CBFA2T3: variants seen among roughly 807,000 people sequenced by gnomAD.
CBFA2T3 encodes CBFA2/RUNX1 partner transcriptional co-repressor 3.
A neutral mutation model predicts 58.6 loss-of-function variants in CBFA2T3; 31 were observed. The observed-to-expected ratio is 0.53, with a 90% confidence interval of 0.40 to 0.71. The LOEUF (loss-of-function observed/expected upper bound fraction) is 0.71. Ranked by LOEUF, CBFA2T3 falls within the 30% of genes least tolerant of loss-of-function variation. CBFA2T3 has a pLI of 0.00. For missense variants in CBFA2T3, 1,076 were observed against 963.1 expected, an observed-to-expected ratio of 1.12 and a Z score of -1.55; for synonymous variants, 531 against 421.9, an observed-to-expected ratio of 1.26 and a Z score of -3.17.
At chr16:88,949,168 G>A (rs1277539756) in intron 1 of CBFA2T3, among the ~76,000 whole-genome samples, 2 of 152,220 alleles carry the variant, frequency 1.3e-5, no homozygotes, top group Non-Finnish European at 2.9e-5. Flanking sequence ...TAAGGCAGCC[G>A]AGAAACTCTG....
chr16:88,933,064 G>A (rs550566625), intron 1 of CBFA2T3, among the ~76,000 whole-genome samples: 157 of 152,336 alleles, frequency 1.0e-3, no homozygotes, highest in South Asian at 2.5e-3. Context: ...ACCCGGAGAC[G>A]TCACTTCTGA....
At chr16:88,908,347 A>C (rs996895352) in intron 1 of CBFA2T3, among the ~76,000 whole-genome samples, 1 of 151,986 alleles carries the variant, frequency 6.6e-6, no homozygotes, top group Non-Finnish European at 1.5e-5. Context: ...GTTTCAAAAA[A>C]AAAAAAAAGG....
intron 1 of CBFA2T3, among the ~76,000 whole-genome samples, chr16:88,959,473 C>G (rs866626297): frequency 1.3e-5 from 2 of 152,196 alleles, no homozygotes; most frequent in South Asian, 4.1e-4. Context: ...CCAGCGCTTA[C>G]AGAGCCTGCA....
At chr16:88,907,638 T>C (rs1970383172) in intron 1 of CBFA2T3, among the ~76,000 whole-genome samples, 1 of 151,790 alleles carries the variant, frequency 6.6e-6, no homozygotes, top group South Asian at 2.1e-4. Flanking sequence ...CAGCTACCCC[T>C]TCCCCACTGG....
Position 88,892,200 on chromosome 16 carries a change from G to A in CBFA2T3, c.621+44C>T, listed in dbSNP as rs371042574. The A allele has an allele frequency of 6.6e-5, 105 of 1,584,414 alleles. No individual in the cohort carries two copies. In the African/African-American group the frequency reaches 1.1e-3, roughly 16 times the overall value. On this transcript the variant is annotated intron_variant, in intron 4 of 11. Transcript: ENST00000268679. The stretch of plus-strand genomic sequence containing the variant: ...TGGCTGCAACCTCATTAAACGGAGG[G>A]AATATGCATGTCCCAAGGCCCCGGC...
chr16:88,959,144 GC>G (rs1207437901), intron 1 of CBFA2T3, among the ~76,000 whole-genome samples: 1 of 152,192 alleles, frequency 6.6e-6, no homozygotes, highest in Non-Finnish European at 1.5e-5. Context: ...TGAATCGTGT[GC>G]CCCCGTCCTT....
intron 1 of CBFA2T3, among the ~76,000 whole-genome samples, chr16:88,956,886 C>T (rs1018818278): frequency 6.6e-6 from 1 of 152,246 alleles, no homozygotes; most frequent in African/African-American, 2.4e-5. Context: ...CTGGGGTTCT[C>T]AGCTGCCTGG....
intron 3 of CBFA2T3, among the ~76,000 whole-genome samples, chr16:88,895,292 G>A (rs924830333): frequency 1.3e-5 from 2 of 152,190 alleles, no homozygotes; most frequent in South Asian, 2.1e-4. Context: ...GCCGCCATCA[G>A]CTTCCTCCAC....
At chr16:88,907,453 C>T (rs1025395978) in intron 1 of CBFA2T3, among the ~76,000 whole-genome samples, 6 of 152,340 alleles carry the variant, frequency 3.9e-5, no homozygotes, top group East Asian at 1.9e-4. Context: ...CGGAATCTGA[C>T]GAGAAGGGCT....
At position 88,885,864 on chromosome 16, in the gene CBFA2T3, C is replaced by G; in HGVS notation, c.893+97G>C. ...CCGAGAGAGCCGGCCGGGCTGGCTG[C>G]AGCCCCAGAGGAGGTTCCCTCTCTT... On this transcript the variant is annotated intron_variant, in intron 6 of 11. Transcript: ENST00000268679. The surrounding 1 kb of genome is among the most constrained non-coding windows in gnomAD (Gnocchi z 5.3). 1 of 1,115,380 alleles carries G rather than the reference C, an allele frequency of 9.0e-7. No individual in the cohort carries two copies. Among genetic ancestry groups the G allele is most frequent in the East Asian group, 2.6e-5 (1 of 38,458 alleles). The allele number at this position is 1,115,380 out of a possible 1,614,324, so 69.1% of individuals were successfully genotyped here.
chr16:88,929,270 G>T (rs946121987), intron 1 of CBFA2T3, among the ~76,000 whole-genome samples: 2 of 123,114 alleles, frequency 1.6e-5, no homozygotes, highest in African/African-American at 3.4e-5. Context: ...ACCAGCCCGT[G>T]ACCTCAGGCA....
intron 1 of CBFA2T3, among the ~76,000 whole-genome samples, chr16:88,920,254 A>T (rs1006555666): frequency 2.6e-5 from 4 of 152,170 alleles, no homozygotes; most frequent in African/African-American, 7.2e-5. Context: ...AGGAAGCCCT[A>T]TGAGGGGAGA....
At position 88,896,064 on chromosome 16, in the gene CBFA2T3, C is replaced by A. The variant is rs549988017; in HGVS notation, c.379+2014G>T. Among the ~76,000 whole-genome samples the A allele has an allele frequency of 3.8e-3, 584 of 152,294 alleles. 1 individual carries two copies. Among genetic ancestry groups the A allele is most frequent in the African/African-American group, 0.013 (559 of 41,552 alleles). On this transcript the variant is annotated intron_variant, in intron 3 of 11. Transcript: ENST00000268679. ...CTCCTGCGCTGCCCAAGTCAGCCCC[C>A]CAGGGTTGCTCCATCCTGACTGGTT... is the stretch of plus-strand genomic sequence containing the variant.
At chr16:88,970,565 G>T (rs1972626613) in intron 1 of CBFA2T3, among the ~76,000 whole-genome samples, 1 of 152,220 alleles carries the variant, frequency 6.6e-6, no homozygotes, top group African/African-American at 2.4e-5. Context: ...AGTGTTGCCG[G>T]GTGAAAGCCG....
intron 1 of CBFA2T3, among the ~76,000 whole-genome samples, chr16:88,912,774 G>C (rs2142705555): frequency 6.6e-6 from 1 of 152,362 alleles, no homozygotes; most frequent in Non-Finnish European, 1.5e-5. Flanking sequence ...GTTCAACGGG[G>C]CGGCTCGCTG....
intron 1 of CBFA2T3, among the ~76,000 whole-genome samples, chr16:88,910,446 G>A (rs540087624): frequency 1.3e-5 from 2 of 152,334 alleles, no homozygotes; most frequent in Non-Finnish European, 2.9e-5. Context: ...CACACTGCAG[G>A]CATTCAGCAA....
intron 1 of CBFA2T3, among the ~76,000 whole-genome samples, chr16:88,972,820 G>T (rs1464286759): frequency 6.6e-6 from 1 of 152,230 alleles, no homozygotes; most frequent in South Asian, 2.1e-4. Flanking sequence ...ACAGGAGGCG[G>T]GAGGTGAGGT....
Position 88,892,427 on chromosome 16 carries a change from G to A in CBFA2T3, c.438C>T (p.Asn146=), listed in dbSNP as rs373118466. ...TAINGAPCTP[N]GFSNGPATSS... Reference sequence around the variant, plus strand: ...AGGTGGCCGGGCCATTGCTGAAGCCGTTGGGTGTGCACGGTGCACCATTGA... The same window carrying A: ...AGGTGGCCGGGCCATTGCTGAAGCCATTGGGTGTGCACGGTGCACCATTGA... Residue 146 remains asparagine, a synonymous_variant, in exon 4 of 12, where the codon AAC becomes AAT. Transcript: ENST00000268679. 354 of 1,613,536 alleles carry A rather than the reference G, an allele frequency of 2.2e-4. No individual in the cohort carries two copies. The South Asian group carries it at 3.7e-3, about 17-fold the overall frequency.
At chr16:88,954,369 C>CTGCTGACCCCAGCCAAGTG in intron 1 of CBFA2T3, among the ~76,000 whole-genome samples, 2 of 141,928 alleles carry the variant, frequency 1.4e-5, no homozygotes, top group African/African-American at 2.9e-5. Context: ...TCACCCAAGG[C>CTGCTGACCCCAGCCAAGTG]TCCTGACCCC....
Sources: gnomAD v4.1 joint callset for allele counts (sites outside exome capture counted in the v4.1 genomes callset) on GRCh38, gnomAD v4.1.1 for gene constraint, Gnocchi (gnomAD v3.1) non-coding constraint, MANE v1.5 for transcripts, NCBI Gene and HGNC (gene_info 2026-07-23, HGNC 2026-07-21) for gene names.